Variants in GSG1L observed in about 807,000 individuals in gnomAD.
GSG1L encodes the protein GSG1 like, also known as germ cell-specific gene 1-like protein.
GSG1L carries 24 observed loss-of-function variants against 42.1 expected under a neutral mutation model. That is an observed-to-expected ratio of 0.57 (90% CI 0.41 to 0.80). The LOEUF (loss-of-function observed/expected upper bound fraction) is 0.80, where lower values mean the gene tolerates loss of function less well. GSG1L is among the 30% of genes least tolerant of loss of function. The pLI is 0.00. For synonymous variants in GSG1L, 215 were observed against 203.5 expected (o/e 1.06, Z -0.48); for missense variants, 445 against 472.2 (o/e 0.94, Z 0.53).
At chr16:27,791,558 T>A in intron 6 of GSG1L, 91 bp from the exon 7 acceptor site, 1 of 769,716 alleles carries the variant, frequency 1.3e-6, no homozygotes, top group Non-Finnish European at 1.9e-6. Flanking sequence ...CATCCATCAC[T>A]CACCCTCATT....
chr16:28,058,949 C>T (rs1384721897), intron 1 of GSG1L, among the ~76,000 whole-genome samples: 3 of 152,172 alleles, frequency 2.0e-5, no homozygotes, highest in African/African-American at 7.2e-5. Context: ...CCACATCTAA[C>T]GATGACTCGG....
chr16:27,847,164 C>T (rs566121179), intron 3 of GSG1L, among the ~76,000 whole-genome samples: 46 of 152,262 alleles, frequency 3.0e-4, no homozygotes, highest in Admixed American at 3.0e-3. Flanking sequence ...TTCCTGCTGC[C>T]GTGATTACTT....
At position 27,867,893 on chromosome 16, in the gene GSG1L, C is replaced by G. The variant is rs1220786532; in HGVS notation, c.550+16593G>C. 3.3e-5 allele frequency among the ~76,000 whole-genome samples: 5 copies of G among 152,260 alleles called. No homozygotes were observed. The South Asian group carries it at 8.3e-4, about 25-fold the overall frequency. On this transcript the variant is annotated intron_variant, in intron 3 of 6. Coordinates refer to ENST00000447459, the MANE Select transcript of GSG1L (RefSeq NM_001109763.2). Reference sequence around the variant, plus strand: ...GAGTCGGAGCCTGGGCCTAGCAGTCCTGTCCCAACCTCCTTGCGTTTCTCG... The same window carrying G: ...GAGTCGGAGCCTGGGCCTAGCAGTCGTGTCCCAACCTCCTTGCGTTTCTCG...
chr16:27,791,872 T>C (rs2082758550), intron 6 of GSG1L, among the ~76,000 whole-genome samples: 1 of 151,898 alleles, frequency 6.6e-6, no homozygotes, highest in South Asian at 2.1e-4. Flanking sequence ...ACCATCCTCC[T>C]ACCACCCAAT....
At chr16:27,886,830 G>T (rs1268720318) in intron 2 of GSG1L, among the ~76,000 whole-genome samples, 1 of 152,176 alleles carries the variant, frequency 6.6e-6, no homozygotes, top group Non-Finnish European at 1.5e-5. Flanking sequence ...TACGGACCAG[G>T]CATGGGCAGT....
In GSG1L at chr16:27,968,906, C is replaced by T. The variant is rs144439035; in HGVS notation, c.350-5703G>A. Reference sequence around the variant, plus strand: ...GGCGGATCACTTGAGATCAGGAGTTCGAGACAAGCCTGGCCAACATGGTGA... The same window carrying T: ...GGCGGATCACTTGAGATCAGGAGTTTGAGACAAGCCTGGCCAACATGGTGA... On this transcript the variant is annotated intron_variant, in intron 1 of 6. Coordinates refer to ENST00000447459, the MANE Select transcript of GSG1L (RefSeq NM_001109763.2). Among the ~76,000 whole-genome samples the T allele has an allele frequency of 2.8e-3, 429 of 152,182 alleles. 4 individuals carry two copies. The highest frequency in any genetic ancestry group is 9.8e-3 in the African/African-American group (406 of 41,512).
intron 1 of GSG1L, among the ~76,000 whole-genome samples, chr16:27,997,991 C>T (rs1021992103): frequency 6.6e-6 from 1 of 151,874 alleles, no homozygotes; most frequent in African/African-American, 2.4e-5. Context: ...TCCCAAATAG[C>T]TGAGATTACA....
chr16:27,893,492 A>G (rs1567508388), intron 2 of GSG1L, among the ~76,000 whole-genome samples: 3 of 152,244 alleles, frequency 2.0e-5, no homozygotes, highest in Non-Finnish European at 4.4e-5. Flanking sequence ...AAATCACACA[A>G]GCCCGACATT....
At chr16:27,797,096 G>A (rs1439014308) in intron 6 of GSG1L, among the ~76,000 whole-genome samples, 1 of 152,170 alleles carries the variant, frequency 6.6e-6, no homozygotes, top group Non-Finnish European at 1.5e-5. Context: ...TTACAGGTGA[G>A]GAAACCGAGG....
chr16:27,979,331 C>T (rs1261423277), intron 1 of GSG1L, among the ~76,000 whole-genome samples: 1 of 151,664 alleles, frequency 6.6e-6, no homozygotes, highest in Non-Finnish European at 1.5e-5. Flanking sequence ...TTTGGAAGGC[C>T]GAGACGGGTG....
At chr16:27,958,411 T>TAAA (rs767157230) in intron 2 of GSG1L, among the ~76,000 whole-genome samples, 32,190 of 116,930 alleles carry the variant, frequency 0.28, 5,078 homozygotes, top group Non-Finnish European at 0.36. Context: ...AGACTCCATC[T>TAAA]AAAAAAAAAA....
chr16:27,826,125 G>A (rs938409510), intron 5 of GSG1L, among the ~76,000 whole-genome samples: 4 of 152,164 alleles, frequency 2.6e-5, no homozygotes, highest in Non-Finnish European at 5.9e-5. Context: ...GAGGCCTCAC[G>A]GAAGCATCCC....
intron 6 of GSG1L, 47 bp from the exon 7 acceptor site, chr16:27,791,514 C>T (rs1187297527): frequency 1.5e-6 from 2 of 1,326,070 alleles, no homozygotes; most frequent in Non-Finnish European, 2.0e-6. Context: ...CTTCCTCCAC[C>T]CACATCCTGT....
At chr16:27,929,216 T>A (rs758822563) in intron 2 of GSG1L, among the ~76,000 whole-genome samples, 35 of 152,188 alleles carry the variant, frequency 2.3e-4, no homozygotes, top group Non-Finnish European at 4.0e-4. Flanking sequence ...GTGTGTGGTG[T>A]GGACTCACCC....
In GSG1L at chr16:27,840,315, G is replaced by A. The variant is rs2083366475; in HGVS notation, c.662+4635C>T. 2.0e-5 allele frequency among the ~76,000 whole-genome samples: 3 copies of A among 152,188 alleles called. 1 individual carries two copies. The highest frequency in any genetic ancestry group is 3.4e-3 in the Middle Eastern group (1 of 294). ...GCCTCCCAAGGTGCTGGGATTACAG[G>A]TGAGTCACTTTGCCCAGCCCCTCTC... On this transcript the variant is annotated intron_variant, in intron 4 of 6. Transcript: ENST00000447459.
At chr16:27,811,284 C>T (rs931568961) in intron 5 of GSG1L, among the ~76,000 whole-genome samples, 8 of 152,030 alleles carry the variant, frequency 5.3e-5, no homozygotes, top group Admixed American at 1.3e-4. Context: ...TTTCTTATAG[C>T]TGTATATAAA....
intron 1 of GSG1L, among the ~76,000 whole-genome samples, chr16:27,992,235 G>T (rs764393580): frequency 6.6e-6 from 1 of 152,126 alleles, no homozygotes; most frequent in Non-Finnish European, 1.5e-5. Context: ...AGTGGCTCAC[G>T]CCTGTAATCC....
chr16:27,794,466 G>C (rs1220836009), intron 6 of GSG1L, among the ~76,000 whole-genome samples: 1 of 151,992 alleles, frequency 6.6e-6, no homozygotes, highest in Admixed American at 6.6e-5. Flanking sequence ...AAGTAGCTAG[G>C]ACTACAGGCA....
intron 4 of GSG1L, among the ~76,000 whole-genome samples, chr16:27,840,878 AG>A (rs2083373238): frequency 6.6e-6 from 1 of 152,120 alleles, no homozygotes; most frequent in African/African-American, 2.4e-5. Context: ...CAGTGTCATG[AG>A]GTGCCACCTT....
Sources: allele counts gnomAD v4.1 joint callset (sites outside exome capture counted in the v4.1 genomes callset), GRCh38; gene constraint gnomAD v4.1.1; transcripts MANE v1.5; gene names NCBI Gene and HGNC (gene_info 2026-07-23, HGNC 2026-07-21).